COL4A3: variants seen among roughly 807,000 people sequenced by gnomAD.
COL4A3 encodes the protein collagen alpha-3(IV) chain.
In COL4A3, 135 loss-of-function variants were observed where a neutral mutation model predicts 217.4. The ratio of observed to expected loss-of-function variants is 0.62; its 90% CI spans 0.54 to 0.72. The LOEUF is 0.72. Ranked by LOEUF, COL4A3 falls within the 30% of genes least tolerant of loss-of-function variation. COL4A3 has a pLI of 0.00. For synonymous variants in COL4A3, 690 were observed against 736.3 expected, an observed-to-expected ratio of 0.94 and a Z score of 1.02; for missense variants, 1,868 against 2,119.9, an observed-to-expected ratio of 0.88 and a Z score of 2.33.
chr2:227,280,701 C>T (rs769855837), intron 30 of COL4A3, 111 bp downstream of exon 30: 1 of 1,302,850 alleles, frequency 7.7e-7, no homozygotes, highest in Non-Finnish European at 1.1e-6. Flanking sequence ...AATGTTCCTG[C>T]CCTACCTTTC....
At chr2:227,303,636 G>C (rs551157203) in intron 44 of COL4A3, among the ~76,000 whole-genome samples, 2 of 152,138 alleles carry the variant, frequency 1.3e-5, no homozygotes, top group African/African-American at 4.8e-5. Flanking sequence ...CCTACTTCTG[G>C]AATATATTTC....
At chr2:227,287,098 G>T (rs1025153124) in intron 34 of COL4A3, among the ~76,000 whole-genome samples, 2 of 152,294 alleles carry the variant, frequency 1.3e-5, no homozygotes, top group East Asian at 3.9e-4. Flanking sequence ...TATGGTCCCT[G>T]TTGCATATTC....
At chr2:227,303,232 G>C (rs986923519) in intron 44 of COL4A3, 122 bp downstream of exon 44, 1 of 779,206 alleles carries the variant, frequency 1.3e-6, no homozygotes, top group African/African-American at 1.7e-5. Context: ...ACCTCAATAC[G>C]AGTGAAGTAG....
chr2:227,298,662 C>G lies in COL4A3; in HGVS notation c.3752-20C>G. On this transcript the variant is annotated intron_variant, in intron 42 of 51. Transcript: ENST00000396578. ...CAAGCTCCCTGGCTGGCAATACTGA[C>G]AGACTTTTCATGAATTCAGGTGCGC... The G allele has an allele frequency of 6.2e-7, 1 of 1,613,458 alleles. No homozygotes were observed. The highest frequency in any genetic ancestry group is 8.5e-7 in the Non-Finnish European group (1 of 1,179,636).
At chr2:227,203,763 A>G (rs866433596) in intron 1 of COL4A3, among the ~76,000 whole-genome samples, 1 of 118,590 alleles carries the variant, frequency 8.4e-6, no homozygotes, top group African/African-American at 3.9e-5. Flanking sequence ...GTGTGTATAT[A>G]TGTGTATATA....
intron 34 of COL4A3, among the ~76,000 whole-genome samples, chr2:227,288,240 G>A (rs757213385): frequency 2.0e-5 from 3 of 152,124 alleles, no homozygotes; most frequent in Non-Finnish European, 2.9e-5. Context: ...GGGATTACAG[G>A]TGTGTGCCAC....
intron 1 of COL4A3, among the ~76,000 whole-genome samples, chr2:227,197,695 AAC>A (rs2066534533): frequency 6.6e-6 from 1 of 152,220 alleles, no homozygotes; most frequent in South Asian, 2.1e-4. Flanking sequence ...CATTTCTCAC[AAC>A]ACATACACAC....
At chr2:227,305,181 G>C in intron 47 of COL4A3, 98 bp downstream of exon 47, 1 of 1,002,618 alleles carries the variant, frequency 1.0e-6, no homozygotes, top group East Asian at 2.6e-5. Context: ...CTAGGCCTTT[G>C]AGTTTATGTT....
intron 1 of COL4A3, among the ~76,000 whole-genome samples, chr2:227,215,157 AT>A (rs896912858): frequency 1.1e-3 from 169 of 147,388 alleles, no homozygotes; most frequent in African/African-American, 3.0e-3. Flanking sequence ...CATCATCATC[AT>A]TTTTTTTTTA....
At chr2:227,210,505 G>A (rs756601176) in intron 1 of COL4A3, among the ~76,000 whole-genome samples, 1 of 151,644 alleles carries the variant, frequency 6.6e-6, no homozygotes, top group African/African-American at 2.4e-5. Flanking sequence ...CAGGAGAATT[G>A]TTTGAACCTG....
At chr2:227,255,164 T>A (rs1380595439) in intron 15 of COL4A3, among the ~76,000 whole-genome samples, 1 of 152,102 alleles carries the variant, frequency 6.6e-6, no homozygotes, top group Non-Finnish European at 1.5e-5. Flanking sequence ...TCACTCTGGA[T>A]AAAAGGCAGT....
chr2:227,252,338 C>T (rs931717255), intron 11 of COL4A3, among the ~76,000 whole-genome samples: 9 of 150,288 alleles, frequency 6.0e-5, no homozygotes, highest in East Asian at 2.0e-4. Flanking sequence ...CTCAGCCTCC[C>T]GACTAAGTGG....
intron 27 of COL4A3, 79 bp downstream of exon 27, chr2:227,276,556 C>T (rs2071578363): frequency 9.3e-7 from 1 of 1,077,902 alleles, no homozygotes; most frequent in Admixed American, 1.8e-5. Flanking sequence ...ATACTGTCCC[C>T]ATTATAAGGA....
intron 1 of COL4A3, among the ~76,000 whole-genome samples, chr2:227,206,475 G>T (rs2067106001): frequency 6.6e-6 from 1 of 152,210 alleles, no homozygotes; most frequent in Non-Finnish European, 1.5e-5. Flanking sequence ...GGCTCAGGTG[G>T]GAACTGAGGA....
chr2:227,221,254 C>T (rs1365726830), intron 1 of COL4A3: 1 of 152,238 alleles, frequency 6.6e-6, no homozygotes, highest in Non-Finnish European at 1.5e-5. Context: ...CAGTTCCTCT[C>T]CAAGCACCCT....
Position 227,307,879 on chromosome 2 carries a change from T to C in COL4A3, c.4422T>C (p.Leu1474=). ...TVPLYSGFSF[L]FVQGNQRAHG... ...CACTCTACAGTGGGTTTTCTTTTCTTTTTGTACAAGGAAATCAACGAGCCC... is the reference window on the plus strand; with the variant it reads ...CACTCTACAGTGGGTTTTCTTTTCTCTTTGTACAAGGAAATCAACGAGCCC... The change falls in exon 48 of 52, where the codon CTT becomes CTC. Residue 1474 remains leucine (L), a synonymous_variant. Coordinates refer to ENST00000396578, the MANE Select transcript of COL4A3 (RefSeq NM_000091.5). 6.2e-6 allele frequency: 10 copies of C among 1,614,194 alleles called. No individual in the cohort carries two copies. Among genetic ancestry groups the C allele is most frequent in the Non-Finnish European group, 8.5e-6 (10 of 1,180,024 alleles).
intron 1 of COL4A3, chr2:227,221,277 T>A (rs1396879959): frequency 6.6e-6 from 1 of 152,252 alleles, no homozygotes; most frequent in African/African-American, 2.4e-5. Context: ...AGTCTTTCCA[T>A]CTTTGTCCCT....
At chr2:227,236,256 A>G (rs2068692602) in intron 1 of COL4A3, among the ~76,000 whole-genome samples, 1 of 152,234 alleles carries the variant, frequency 6.6e-6, no homozygotes, top group Non-Finnish European at 1.5e-5. Flanking sequence ...CTCTGGGTAG[A>G]TACCCAGTAG....
chr2:227,254,139 G>A lies in COL4A3; in HGVS notation c.793G>A (p.Gly265Arg), dbSNP rs374787000. 1 of 1,613,962 alleles carries A rather than the reference G, an allele frequency of 6.2e-7. No homozygotes were observed. Among genetic ancestry groups the A allele is most frequent in the Non-Finnish European group, 8.5e-7 (1 of 1,179,916 alleles). Reference sequence around the variant, plus strand: ...CCTCAAGGGGGAAAAGGGAGACAAGGGAGCAATGGGCGAGCCTGGACCTCC... The same window carrying A: ...CCTCAAGGGGGAAAAGGGAGACAAGAGAGCAATGGGCGAGCCTGGACCTCC... The part of the protein sequence containing the change: ...TDLKGEKGDK[G>R]AMGEPGPPGP... Residue 265 changes from glycine (G) to arginine (R), a missense_variant, in exon 14 of 52, where the codon GGA becomes AGA. This residue lies in a region of COL4A3 where 1,503 missense variants were observed against 1,786.1 expected (regional missense o/e 0.84). Transcript: ENST00000396578.
Sources: allele counts gnomAD v4.1 joint callset (sites outside exome capture counted in the v4.1 genomes callset), GRCh38; gene constraint gnomAD v4.1.1; regional missense constraint gnomAD v4.1.1; transcripts MANE v1.5; gene names NCBI Gene and HGNC (gene_info 2026-07-23, HGNC 2026-07-21).